DGKI: variants seen among roughly 807,000 people sequenced by gnomAD.
DGKI encodes diacylglycerol kinase iota.
A neutral mutation model predicts 147.5 loss-of-function variants in DGKI; 55 were observed. The observed-to-expected ratio is 0.37, with a 90% CI of 0.30 to 0.47. The LOEUF (loss-of-function observed/expected upper bound fraction) is 0.47. Among genes scored for constraint, DGKI ranks in the 20% least tolerant of loss-of-function variants. DGKI has a pLI of 1.00. For missense variants in DGKI, 1,007 were observed against 1,323.8 expected (o/e 0.76, Z 3.71); for synonymous variants, 469 against 477.1 (o/e 0.98, Z 0.22).
chr7:137,464,171 G>C (rs1814561171), intron 26 of DGKI, among the ~76,000 whole-genome samples: 1 of 150,832 alleles, frequency 6.6e-6, no homozygotes. Flanking sequence ...GCAGGACAAT[G>C]GCATGAACCC....
At chr7:137,835,889 C>T (rs186791323) in intron 1 of DGKI, among the ~76,000 whole-genome samples, 2 of 152,216 alleles carry the variant, frequency 1.3e-5, no homozygotes, top group Non-Finnish European at 2.9e-5. Flanking sequence ...CAGCCTGAAC[C>T]TGGCAATGTC....
chr7:137,600,944 G>A (rs995623081), intron 10 of DGKI, among the ~76,000 whole-genome samples: 4 of 152,110 alleles, frequency 2.6e-5, no homozygotes, highest in African/African-American at 9.7e-5. Context: ...GGTCACTTTA[G>A]AGATCATTTT....
intron 21 of DGKI, among the ~76,000 whole-genome samples, chr7:137,521,473 G>A (rs935997724): frequency 1.3e-5 from 2 of 152,124 alleles, no homozygotes; most frequent in Non-Finnish European, 2.9e-5. Flanking sequence ...CCACATCTCT[G>A]TGACGAATGA....
At chr7:137,589,884 C>T (rs1819546791) in intron 12 of DGKI, among the ~76,000 whole-genome samples, 3 of 152,160 alleles carry the variant, frequency 2.0e-5, no homozygotes, top group Admixed American at 6.5e-5. Flanking sequence ...CAAGTCAGCC[C>T]GTTTTCTTTC....
chr7:137,647,851 G>T (rs556209720), intron 5 of DGKI, among the ~76,000 whole-genome samples: 1 of 152,196 alleles, frequency 6.6e-6, no homozygotes, highest in Non-Finnish European at 1.5e-5. Context: ...TCGCATTACA[G>T]TAGGGCACAT....
chr7:137,716,420 G>GTGA (rs1472606793), intron 1 of DGKI, among the ~76,000 whole-genome samples: 1 of 152,198 alleles, frequency 6.6e-6, no homozygotes, highest in African/African-American at 2.4e-5. Flanking sequence ...TTCTATTGCT[G>GTGA]TAACAACCTG....
At chr7:137,716,541 T>G (rs1160412673) in intron 1 of DGKI, among the ~76,000 whole-genome samples, 1 of 152,154 alleles carries the variant, frequency 6.6e-6, no homozygotes, top group African/African-American at 2.4e-5. Context: ...AGGGAGGTAA[T>G]GAAAAATGAA....
intron 19 of DGKI, among the ~76,000 whole-genome samples, chr7:137,568,603 C>T (rs1012452389): frequency 2.0e-5 from 3 of 152,208 alleles, no homozygotes; most frequent in African/African-American, 7.2e-5. Context: ...GTATTTATGT[C>T]CCTGGCTTGC....
intron 19 of DGKI, among the ~76,000 whole-genome samples, chr7:137,556,895 T>A (rs1646385): frequency 6.6e-6 from 1 of 152,088 alleles, no homozygotes; most frequent in Non-Finnish European, 1.5e-5. Context: ...TATGAAAGTA[T>A]TTTTTTAATG....
intron 28 of DGKI, among the ~76,000 whole-genome samples, chr7:137,440,604 T>C (rs77414512): frequency 0.011 from 1,697 of 152,326 alleles, 36 homozygotes; most frequent in African/African-American, 0.039. Context: ...ACTAGCTATG[T>C]GACCTTAAGC....
At chr7:137,767,538 T>A (rs576203037) in intron 1 of DGKI, among the ~76,000 whole-genome samples, 1,172 of 59,762 alleles carry the variant, frequency 0.02, 32 homozygotes, top group African/African-American at 0.076. Context: ...AAGAGTAGAG[T>A]AGGAGGAAGA....
chr7:137,522,483 A>G (rs1386930196), intron 20 of DGKI, among the ~76,000 whole-genome samples: 1 of 152,126 alleles, frequency 6.6e-6, no homozygotes, highest in Non-Finnish European at 1.5e-5. Context: ...CTCTTTTGAC[A>G]GCACCTCTCA....
chr7:137,465,651 G>A (rs928841205), intron 26 of DGKI, among the ~76,000 whole-genome samples: 5 of 152,164 alleles, frequency 3.3e-5, no homozygotes. Context: ...ACAAACACAA[G>A]TACTAGTGCT....
chr7:137,407,999 C>T lies in DGKI; in HGVS notation c.2800-4G>A. 1 of 1,613,442 alleles carries T rather than the reference C, an allele frequency of 6.2e-7. No individual in the cohort carries two copies. The highest frequency in any genetic ancestry group is 8.5e-7 in the Non-Finnish European group (1 of 1,179,684). ...CATTTTTATAGCTTTCTATTAGCTG[C>T]AAAGAGAGACATACAAAAAGAAGCT... On this transcript the variant is annotated splice_region_variant and splice_polypyrimidine_tract_variant and intron_variant, in intron 29 of 32. Transcript: ENST00000614521.
intron 1 of DGKI, among the ~76,000 whole-genome samples, chr7:137,821,859 A>G (rs1313390119): frequency 1.3e-5 from 2 of 152,216 alleles, no homozygotes; most frequent in African/African-American, 4.8e-5. Context: ...TAGAGGCATC[A>G]GGTAGTGCTG....
intron 1 of DGKI, among the ~76,000 whole-genome samples, chr7:137,707,661 G>C (rs889817308): frequency 2.0e-5 from 3 of 152,128 alleles, no homozygotes; most frequent in Non-Finnish European, 4.4e-5. Flanking sequence ...AGATGTGCCT[G>C]TTTCCCCTTC....
intron 1 of DGKI, among the ~76,000 whole-genome samples, chr7:137,707,368 T>G (rs1027151263): frequency 1.3e-5 from 2 of 152,248 alleles, no homozygotes; most frequent in Non-Finnish European, 1.5e-5. Context: ...CTTGGACTGA[T>G]GGTAGCTTTA....
At chr7:137,774,079 C>A (rs550649540) in intron 1 of DGKI, among the ~76,000 whole-genome samples, 1 of 152,326 alleles carries the variant, frequency 6.6e-6, no homozygotes, top group South Asian at 2.1e-4. Flanking sequence ...CTTTTTCAGT[C>A]ACTTACACTT....
At chr7:137,475,754 A>G (rs1178400889) in intron 23 of DGKI, among the ~76,000 whole-genome samples, 1 of 152,214 alleles carries the variant, frequency 6.6e-6, no homozygotes, top group Non-Finnish European at 1.5e-5. Context: ...TCTTGGAGTT[A>G]CTGTAAGTCT....
Sources: allele counts gnomAD v4.1 joint callset (sites outside exome capture counted in the v4.1 genomes callset), GRCh38; gene constraint gnomAD v4.1.1; transcripts MANE v1.5; gene names NCBI Gene and HGNC (gene_info 2026-07-23, HGNC 2026-07-21).